USH2A: variants seen among roughly 807,000 people sequenced by gnomAD.
The protein encoded by USH2A is Usher syndrome 2A (autosomal recessive, mild).
USH2A carries 443 observed loss-of-function variants against 538.9 expected under a neutral mutation model. The ratio of observed to expected loss-of-function variants is 0.82; its 90% confidence interval spans 0.76 to 0.89. The LOEUF is 0.89. Ranked by LOEUF, USH2A falls within the 40% of genes least tolerant of loss-of-function variation. The pLI is 0.00. For synonymous variants in USH2A, 2,413 were observed against 2,273.5 expected, an observed-to-expected ratio of 1.06 and a Z score of -1.75; for missense variants, 6,633 against 6,324.8, an observed-to-expected ratio of 1.05 and a Z score of -1.65.
At chr1:215,889,132 G>T in intron 40 of USH2A, 78 bp from the exon 41 acceptor site, 1 of 1,530,502 alleles carries the variant, frequency 6.5e-7, no homozygotes, top group Non-Finnish European at 8.9e-7. Context: ...ATGAGTGATA[G>T]CTCTGCTACA....
chr1:216,187,567 T>A (rs993614126), intron 20 of USH2A, among the ~76,000 whole-genome samples: 5 of 151,904 alleles, frequency 3.3e-5, no homozygotes, highest in Non-Finnish European at 7.4e-5. Context: ...CACAATACAA[T>A]CCTTAGTTTT....
Position 215,674,114 on chromosome 1 carries a change from C to T in USH2A, c.13797G>A (p.Leu4599=). The T allele has an allele frequency of 6.2e-7, 1 of 1,614,028 alleles. No individual in the cohort carries two copies. Among genetic ancestry groups the T allele is most frequent in the Non-Finnish European group, 8.5e-7 (1 of 1,179,988 alleles). The change falls in exon 63 of 72, where the codon CTG becomes CTA. Residue 4599 remains leucine (L), a synonymous_variant. Coordinates refer to ENST00000307340, the MANE Select transcript of USH2A (RefSeq NM_206933.4). ...TGGCTACCTACCTGTGAAATGGCTTCAGCTGGTTTACTATATATGACTGCA... is the reference window on the plus strand; with the variant it reads ...TGGCTACCTACCTGTGAAATGGCTTTAGCTGGTTTACTATATATGACTGCA... ...FGMQSYIVNQ[L]KPFHRYEIRI... is the part of the protein sequence containing the mutation.
Position 215,888,735 on chromosome 1 carries a change from T to C in USH2A, c.7914A>G (p.Thr2638=), listed in dbSNP as rs1344272672. The change falls in exon 41 of 72, where the codon ACA becomes ACG. Residue 2638 remains threonine, a synonymous_variant. Transcript: ENST00000307340. The part of the protein sequence containing the change: ...PSPELFSDTP[T]SVIISWQPPT... ...GGGGTTGCCAAGATATAATCACAGA[T>C]GTTGGAGTATCAGAGAACAGCTCTG... 6.2e-7 allele frequency: 1 copy of C among 1,614,046 alleles called. No homozygotes were observed. Among genetic ancestry groups the C allele is most frequent in the Non-Finnish European group, 8.5e-7 (1 of 1,179,988 alleles).
chr1:215,814,176 T>A, intron 48 of USH2A, among the ~76,000 whole-genome samples: 1 of 145,848 alleles, frequency 6.9e-6, no homozygotes, highest in African/African-American at 2.5e-5. Context: ...ATATAAAATT[T>A]TAATTTTATA....
At chr1:216,377,840 AAAGAAAGAAAGAAAGAAAGAAAGAAAG>A (rs1304636894) in intron 3 of USH2A, among the ~76,000 whole-genome samples, 12 of 146,120 alleles carry the variant, frequency 8.2e-5, no homozygotes, top group Admixed American at 2.7e-4. Flanking sequence ...AGAAAGAAAG[AAAGAAAGAAAGAAAGAAAGAAAGAAAG>A]AAGGAAAGAA....
chr1:215,686,436 C>T (rs1658425887), intron 61 of USH2A, among the ~76,000 whole-genome samples: 1 of 151,998 alleles, frequency 6.6e-6, no homozygotes, highest in Non-Finnish European at 1.5e-5. Flanking sequence ...GTAGAAAGTT[C>T]TGGAGATACC....
At chr1:216,407,292 A>G (rs1333060454) in intron 3 of USH2A, among the ~76,000 whole-genome samples, 4 of 152,198 alleles carry the variant, frequency 2.6e-5, no homozygotes, top group African/African-American at 9.6e-5. Flanking sequence ...ATAAGACATT[A>G]CATATATTTA....
At chr1:215,685,019 T>C (rs1282139915) in intron 61 of USH2A, among the ~76,000 whole-genome samples, 9 of 152,232 alleles carry the variant, frequency 5.9e-5, no homozygotes, top group Admixed American at 5.2e-4. Flanking sequence ...TGATAAGGAA[T>C]GATTATACCT....
chr1:216,268,043 TGTGA>T (rs1255795067), intron 11 of USH2A, among the ~76,000 whole-genome samples: 1 of 152,120 alleles, frequency 6.6e-6, no homozygotes, highest in African/African-American at 2.4e-5. Context: ...TAAATTACCC[TGTGA>T]GGTATTATAC....
chr1:216,380,190 G>T (rs879608820), intron 3 of USH2A, among the ~76,000 whole-genome samples: 8 of 152,128 alleles, frequency 5.3e-5, no homozygotes, highest in Non-Finnish European at 1.2e-4. Context: ...AAAAGAAGAT[G>T]CAAGAGGGTA....
In USH2A at chr1:215,993,025, G is replaced by A. The variant is rs397518027; in HGVS notation, c.6800C>T (p.Pro2267Leu). 1.1e-5 allele frequency: 17 copies of A among 1,613,802 alleles called. No individual in the cohort carries two copies. The highest frequency in any genetic ancestry group is 1.6e-4 in the Middle Eastern group (1 of 6,080). Residue 2267 changes from proline to leucine, a missense_variant, in exon 35 of 72, where the codon CCG becomes CTG. By Grantham distance (98) the Pro-to-Leu change is moderately conservative (BLOSUM62 -3). Transcript: ENST00000307340. ...GGCTAAAAGAGTTCACTTACCATTC[G>A]GATATTCAGGCTCAGTCCAGGAGAC... Reference protein sequence around the residue: ...FNVSWTEPEYPNGVITSYGLY... With the variant: ...FNVSWTEPEYLNGVITSYGLY...
chr1:215,823,484 C>A (rs1157659613), intron 47 of USH2A, among the ~76,000 whole-genome samples: 1 of 151,880 alleles, frequency 6.6e-6, no homozygotes, highest in Admixed American at 6.6e-5. Context: ...TTGTCACTGA[C>A]CTTTAAGAAT....
intron 11 of USH2A, among the ~76,000 whole-genome samples, chr1:216,267,821 T>G (rs889985000): frequency 6.6e-6 from 1 of 152,168 alleles, no homozygotes; most frequent in Non-Finnish European, 1.5e-5. Context: ...CAGAACCTTT[T>G]GCACCTTTAC....
At chr1:216,375,425 T>G (rs950667836) in intron 3 of USH2A, among the ~76,000 whole-genome samples, 11 of 152,206 alleles carry the variant, frequency 7.2e-5, no homozygotes, top group Admixed American at 2.6e-4. Context: ...TTATGGAAAC[T>G]ACTTCTTTCC....
intron 61 of USH2A, among the ~76,000 whole-genome samples, chr1:215,690,238 T>TAG (rs548777275): frequency 9.3e-4 from 141 of 152,258 alleles, no homozygotes; most frequent in Middle Eastern, 3.4e-3. Context: ...AGATGGTAGC[T>TAG]AAACAGAGGA....
chr1:215,677,658 C>G (rs1371879287), intron 62 of USH2A, among the ~76,000 whole-genome samples: 1 of 152,190 alleles, frequency 6.6e-6, no homozygotes, highest in Non-Finnish European at 1.5e-5. Context: ...TTTTTGGACA[C>G]TCCACTCATG....
chr1:215,873,959 G>A (rs1367367587), intron 43 of USH2A, among the ~76,000 whole-genome samples: 1 of 152,090 alleles, frequency 6.6e-6, no homozygotes, highest in Non-Finnish European at 1.5e-5. Context: ...TAACCCTATT[G>A]TTTATTATAA....
intron 44 of USH2A, among the ~76,000 whole-genome samples, chr1:215,861,800 G>T (rs548533528): frequency 6.6e-6 from 1 of 151,238 alleles, no homozygotes; most frequent in South Asian, 2.1e-4. Flanking sequence ...AAAAGAAAAA[G>T]AGGAGAATGG....
At chr1:216,201,328 A>G (rs1358543552) in intron 16 of USH2A, among the ~76,000 whole-genome samples, 3 of 146,558 alleles carry the variant, frequency 2.0e-5, no homozygotes, top group Non-Finnish European at 1.5e-5. Flanking sequence ...TTTTTTTTGA[A>G]GACAGGGTCT....
Sources: allele counts gnomAD v4.1 joint callset (sites outside exome capture counted in the v4.1 genomes callset), GRCh38; gene constraint gnomAD v4.1.1; transcripts MANE v1.5; gene names NCBI Gene and HGNC (gene_info 2026-07-23, HGNC 2026-07-21).